PYGB: variants seen among roughly 807,000 people sequenced by gnomAD.
PYGB encodes the protein glycogen phosphorylase B.
PYGB carries 82 observed loss-of-function variants against 94.3 expected under a neutral mutation model. The ratio of observed to expected loss-of-function variants is 0.87; its 90% CI spans 0.73 to 1.04. PYGB has a LOEUF of 1.04. PYGB is among the 50% of genes least tolerant of loss of function. The pLI, the probability that PYGB is intolerant of heterozygous loss-of-function variation, is 0.00. For missense variants in PYGB, 1,132 were observed against 1,158.2 expected (o/e 0.98, Z 0.33); for synonymous variants, 488 against 479.1 (o/e 1.02, Z -0.24).
chr20:25,265,411 G>A (rs964846678), intron 2 of PYGB, among the ~76,000 whole-genome samples: 35 of 152,208 alleles, frequency 2.3e-4, no homozygotes, highest in Middle Eastern at 6.8e-3. Context: ...TTTTTTGACA[G>A]TAGTCATTCT....
intron 17 of PYGB, among the ~76,000 whole-genome samples, 197 bp downstream of exon 17, chr20:25,292,810 C>T (rs977968018): frequency 2.6e-5 from 4 of 152,080 alleles, no homozygotes; most frequent in South Asian, 2.1e-4. Context: ...GGGCTGCGGG[C>T]GAGGCCCACG....
chr20:25,288,547 T>C (rs762657057), intron 15 of PYGB, 64 bp downstream of exon 15: 50 of 1,553,030 alleles, frequency 3.2e-5, no homozygotes, highest in Non-Finnish European at 4.2e-5. Flanking sequence ...GTGGGCAGCC[T>C]GCACGCTTCT....
intron 7 of PYGB, 135 bp from the exon 8 acceptor site, chr20:25,278,184 G>T: frequency 1.0e-6 from 1 of 984,422 alleles, no homozygotes; most frequent in Middle Eastern, 3.4e-4. Flanking sequence ...ACACAGGCAG[G>T]CCCCAGTGTC....
intron 5 of PYGB, among the ~76,000 whole-genome samples, chr20:25,276,025 C>T (rs2088308006): frequency 1.3e-5 from 2 of 152,184 alleles, no homozygotes; most frequent in East Asian, 1.9e-4. Context: ...TTGTGAGCCC[C>T]CTCCTGCCCT....
At chr20:25,260,042 T>C (rs1316609965) in intron 2 of PYGB, among the ~76,000 whole-genome samples, 1 of 152,024 alleles carries the variant, frequency 6.6e-6, no homozygotes, top group Non-Finnish European at 1.5e-5. Flanking sequence ...AGTGGGGGTG[T>C]TTTGTTGGGG....
intron 13 of PYGB, among the ~76,000 whole-genome samples, chr20:25,283,486 G>A (rs1320142029): frequency 1.3e-5 from 2 of 152,220 alleles, no homozygotes; most frequent in Non-Finnish European, 2.9e-5. Context: ...GGGCCCCGAG[G>A]AGGACAGGTC....
chr20:25,289,655 G>GAA (rs376975502), intron 15 of PYGB, among the ~76,000 whole-genome samples: 3,719 of 145,798 alleles, frequency 0.026, 138 homozygotes, highest in African/African-American at 0.085. Flanking sequence ...GCAAAAAAAA[G>GAA]AAAAAAAAAA....
At chr20:25,289,394 C>G (rs1325449385) in intron 15 of PYGB, among the ~76,000 whole-genome samples, 1 of 152,106 alleles carries the variant, frequency 6.6e-6, no homozygotes, top group African/African-American at 2.4e-5. Flanking sequence ...GTCTGTAATC[C>G]CAGCACTTTG....
rs60028773 is a variant in PYGB at position 25,257,060 on chromosome 20, A to G, written c.244-2177A>G. On this transcript the variant is annotated intron_variant, in intron 1 of 19. Coordinates refer to ENST00000216962, the MANE Select transcript of PYGB (RefSeq NM_002862.4). The stretch of plus-strand genomic sequence containing the variant: ...CAGCTAGCCAGGGCAGGGAGCTGGG[A>G]TGAGACCCCAGCCTGTACCATTCAA... Among the ~76,000 whole-genome samples, 130 of 152,300 alleles carry G rather than the reference A, an allele frequency of 8.5e-4. 3 individuals carry two copies. In the East Asian group the frequency reaches 0.024, roughly 28 times the overall value.
chr20:25,271,210 C>T (rs1009520130), intron 3 of PYGB, among the ~76,000 whole-genome samples, 173 bp from the exon 4 acceptor site: 1 of 152,048 alleles, frequency 6.6e-6, no homozygotes, highest in African/African-American at 2.4e-5. Flanking sequence ...ATGTCTTCTG[C>T]CTGTGGCCCC....
At chr20:25,283,068 C>T in intron 12 of PYGB, 108 bp from the exon 13 acceptor site, 3 of 937,292 alleles carry the variant, frequency 3.2e-6, no homozygotes, top group Non-Finnish European at 5.0e-6. Flanking sequence ...CAAGCAGATC[C>T]CAGGGGAAAG....
intron 1 of PYGB, among the ~76,000 whole-genome samples, chr20:25,257,689 T>G (rs902463482): frequency 6.6e-6 from 1 of 152,178 alleles, no homozygotes; most frequent in Non-Finnish European, 1.5e-5. Context: ...CATTTTTAGT[T>G]AAAGGCAAAG....
At chr20:25,294,630 T>C (rs76209012) in intron 18 of PYGB, 13,973 of 548,628 alleles carry the variant, frequency 0.025, 287 homozygotes, top group South Asian at 0.076. Flanking sequence ...AGAGGGAGCA[T>C]GGGCCCAAAA....
rs146169925 is a variant in PYGB at position 25,294,206 on chromosome 20, C to T, written c.2226C>T (p.Ala742=). 1.3e-5 allele frequency: 21 copies of T among 1,613,826 alleles called. No individual in the cohort carries two copies. The highest frequency in any genetic ancestry group is 8.8e-5 in the South Asian group (8 of 91,082). ...YYDHLPELKQ[A]VDQISSGFFS... Reference sequence around the variant, plus strand: ...ACCACCTGCCCGAGCTGAAGCAGGCCGTGGACCAGATCAGCAGTGGCTTTT... The same window carrying T: ...ACCACCTGCCCGAGCTGAAGCAGGCTGTGGACCAGATCAGCAGTGGCTTTT... Residue 742 remains alanine (A), a synonymous_variant, in exon 18 of 20, where the codon GCC becomes GCT. Transcript: ENST00000216962.
rs143764062 is a variant in PYGB at position 25,259,320 on chromosome 20, C to T, written c.327C>T (p.Cys109=). The change falls in exon 2 of 20, where the codon TGC becomes TGT. Residue 109 remains cysteine (C), a synonymous_variant. Transcript: ENST00000216962. ...TGAACCTGGGCCTTCAGAATGCCTG[C>T]GATGAAGCCATCTATCAGGTACAGA... ...TMVNLGLQNA[C]DEAIYQLGLD... is the part of the protein sequence containing the mutation. 1,781 of 1,608,676 alleles carry T rather than the reference C, an allele frequency of 1.1e-3. 6 individuals carry two copies. Among genetic ancestry groups the T allele is most frequent in the Non-Finnish European group, 1.3e-3 (1,549 of 1,175,058 alleles).
chr20:25,295,129 A>G, intron 18 of PYGB: 1 of 1,304,194 alleles, frequency 7.7e-7, no homozygotes. Flanking sequence ...AGATTCATAA[A>G]TCTGGCATTT....
chr20:25,255,279 G>A (rs1237503673), intron 1 of PYGB, among the ~76,000 whole-genome samples: 1 of 152,212 alleles, frequency 6.6e-6, no homozygotes, highest in Non-Finnish European at 1.5e-5. Context: ...CTGGCAGGTG[G>A]GAGGCCCCTC....
At chr20:25,286,761 G>A (rs2088421670) in intron 14 of PYGB, among the ~76,000 whole-genome samples, 2 of 152,080 alleles carry the variant, frequency 1.3e-5, no homozygotes, top group Admixed American at 6.5e-5. Context: ...GCTGTTCCCC[G>A]GGGGCTCCTT....
chr20:25,271,518 CAGCT>C, intron 4 of PYGB, 32 bp downstream of exon 4: 2 of 1,585,736 alleles, frequency 1.3e-6, no homozygotes, highest in Non-Finnish European at 1.7e-6. Context: ...CACTGGTTTC[CAGCT>C]CTCGTTCACA....
Sources: gnomAD v4.1 joint callset for allele counts (sites outside exome capture counted in the v4.1 genomes callset) on GRCh38, gnomAD v4.1.1 for gene constraint, MANE v1.5 for transcripts, NCBI Gene and HGNC (gene_info 2026-07-23, HGNC 2026-07-21) for gene names.